IFT20: variants seen among roughly 807,000 people sequenced by gnomAD.
IFT20 encodes the protein intraflagellar transport 20.
A neutral mutation model predicts 16.9 loss-of-function variants in IFT20; 4 were observed. That is an observed-to-expected ratio of 0.24 (90% CI 0.12 to 0.54). IFT20 has a LOEUF of 0.54. Ranked by LOEUF, IFT20 falls within the 20% of genes least tolerant of loss-of-function variation. The pLI is 0.95. For synonymous variants in IFT20, 48 were observed against 49.9 expected (o/e 0.96, Z 0.16); for missense variants, 154 against 149.7 (o/e 1.03, Z -0.15).
chr17:28,328,438 C>T lies in IFT20; in HGVS notation c.*214G>A, dbSNP rs886326350. ...TCCAACTAAGCATAAGAGGTGAGAA[C>T]GTACACTGCAGGGCCACCAGCAGCA... On this transcript the variant is annotated 3_prime_UTR_variant, in exon 5 of 5. Coordinates refer to ENST00000395418, the MANE Select transcript of IFT20 (RefSeq NM_001267776.2). The T allele has an allele frequency of 3.4e-5, 18 of 526,400 alleles. No individual in the cohort carries two copies. Among genetic ancestry groups the T allele is most frequent in the Admixed American group, 7.6e-5 (2 of 26,442 alleles). The allele number at this position is 526,400 out of a possible 1,614,324, so 32.6% of individuals were successfully genotyped here.
chr17:28,329,890 G>A (rs1555576196), intron 3 of IFT20: 1 of 292,146 alleles, frequency 3.4e-6, no homozygotes, highest in African/African-American at 2.2e-5. Context: ...GAGAAACCCT[G>A]TCTCTACTAA....
chr17:28,330,059 C>CA (rs782275350), intron 3 of IFT20: 29,700 of 398,440 alleles, frequency 0.075, 13 homozygotes, highest in Middle Eastern at 0.09. Context: ...AACTCCGTCT[C>CA]AAAAAAAAAA....
chr17:28,334,452 G>C (rs1249168209), intron 1 of IFT20, among the ~76,000 whole-genome samples: 5 of 152,258 alleles, frequency 3.3e-5, no homozygotes, highest in African/African-American at 1.2e-4. Flanking sequence ...ACAACAGCTG[G>C]ATCACCGAAG....
At chr17:28,332,526 T>G (rs1236413681) in intron 1 of IFT20, 11 of 264,550 alleles carry the variant, frequency 4.2e-5, no homozygotes, top group Middle Eastern at 2.5e-3. Context: ...GTGTATTTAC[T>G]TTATATATCA....
At chr17:28,333,965 AC>A (rs564702253) in intron 1 of IFT20, among the ~76,000 whole-genome samples, 2 of 152,160 alleles carry the variant, frequency 1.3e-5, no homozygotes, top group South Asian at 4.1e-4. Flanking sequence ...TTTCGCAGCT[AC>A]AGGTCATTAA....
Position 28,329,211 on chromosome 17 carries a change from A to C in IFT20, c.279T>G (p.Leu93=), listed in dbSNP as rs782783572. 12 of 1,614,118 alleles carry C rather than the reference A, an allele frequency of 7.4e-6. No homozygotes were observed. Among genetic ancestry groups the C allele is most frequent in the Non-Finnish European group, 1.0e-5 (12 of 1,179,986 alleles). The change falls in exon 4 of 5, where the codon CTT becomes CTG. Residue 93 remains leucine, a synonymous_variant. Transcript: ENST00000395418. ...TTTTCTTTTCTGCTATTAGGGCTTGAAGTTGCTGCTGTTGAGCTTCTCTCT... is the reference window on the plus strand; with the variant it reads ...TTTTCTTTTCTGCTATTAGGGCTTGCAGTTGCTGCTGTTGAGCTTCTCTCT... ...AKQREAQQQQ[L]QALIAEKKMQ...
In IFT20 at chr17:28,330,519, T is replaced by C. The variant is rs1349641044; in HGVS notation, c.137A>G (p.Gln46Arg). The C allele has an allele frequency of 2.5e-6, 4 of 1,610,032 alleles. No individual in the cohort carries two copies. In the East Asian group the frequency reaches 6.7e-5, roughly 27 times the overall value. Residue 46 changes from glutamine (Q) to arginine (R), a missense_variant, in exon 3 of 5, where the codon CAG becomes CGG. Coordinates refer to ENST00000395418, the MANE Select transcript of IFT20 (RefSeq NM_001267776.2). ...ECKDFVDKIG[Q>R]FQKIVGGLIE... Reference sequence around the variant, plus strand: ...TAAACCACCAACTATTTTCTGAAACTGGCCAATTTCTTTTAGGAAAAGAAC... The same window carrying C: ...TAAACCACCAACTATTTTCTGAAACCGGCCAATTTCTTTTAGGAAAAGAAC...
chr17:28,333,930 C>CA (rs1354591713), intron 1 of IFT20, among the ~76,000 whole-genome samples: 173 of 145,830 alleles, frequency 1.2e-3, no homozygotes, highest in African/African-American at 3.8e-3. Context: ...GACCCTGTCT[C>CA]AAAAAAAAAA....
In IFT20 at chr17:28,332,176, TCTG is replaced by T. The variant is rs782262114; in HGVS notation, c.-2-192_-2-190del. On this transcript the variant is annotated intron_variant, in intron 1 of 4. Coordinates refer to ENST00000395418, the MANE Select transcript of IFT20 (RefSeq NM_001267776.2). ...TCCCATCCAGGTTCCCTAGAGGAGT[TCTG>T]CTCTGAAGGAGTGACAGTGGCAGTC... is the stretch of plus-strand genomic sequence containing the variant. 3.1e-5 allele frequency: 48 copies of T among 1,538,662 alleles called. No homozygotes were observed. The African/African-American group carries it at 6.2e-4, about 20-fold the overall frequency.
At chr17:28,333,172 T>C (rs1205460351) in intron 1 of IFT20, among the ~76,000 whole-genome samples, 2 of 151,732 alleles carry the variant, frequency 1.3e-5, no homozygotes, top group East Asian at 3.9e-4. Context: ...ATCTAGCAAT[T>C]GGCTGCTATG....
intron 1 of IFT20, among the ~76,000 whole-genome samples, chr17:28,334,040 AC>A (rs1280735275): frequency 6.6e-6 from 1 of 152,100 alleles, no homozygotes; most frequent in Admixed American, 6.5e-5. Context: ...TTCAACTTCC[AC>A]CCCCTTCCCT....
Position 28,330,434 on chromosome 17 carries a change from T to C in IFT20, c.213+9A>G. The C allele has an allele frequency of 6.3e-7, 1 of 1,599,286 alleles. No homozygotes were observed. Among genetic ancestry groups the C allele is most frequent in the Non-Finnish European group, 8.6e-7 (1 of 1,166,368 alleles). ...GCCAAGATGTAGGCGGAAGACATGC[T>C]GATCTTACCTTCATCTTTTCATTTT... On this transcript the variant is annotated intron_variant, in intron 3 of 4. Coordinates refer to ENST00000395418, the MANE Select transcript of IFT20 (RefSeq NM_001267776.2).
chr17:28,331,408 G>C (rs1268873667), intron 2 of IFT20: 1 of 161,166 alleles, frequency 6.2e-6, no homozygotes, highest in Non-Finnish European at 1.4e-5. Flanking sequence ...GCTTCCTGAA[G>C]ATTTCCAGCC....
Position 28,328,609 on chromosome 17 carries a change from T to A in IFT20, c.*43A>T. 1 of 1,385,454 alleles carries A rather than the reference T, an allele frequency of 7.2e-7. No homozygotes were observed. The highest frequency in any genetic ancestry group is 1.0e-6 in the Non-Finnish European group (1 of 994,206). 85.8% of individuals were successfully genotyped at this position (1,385,454 alleles called of 1,614,324 possible). A position where few individuals can be genotyped will look rare whatever the true frequency, so the allele number is the denominator to read the frequency against. On this transcript the variant is annotated 3_prime_UTR_variant, in exon 5 of 5. Transcript: ENST00000395418. Reference sequence around the variant, plus strand: ...GAGGTTTTTTTGGTTTTGAGAGGCTTTTTTTTGTTTTGCCTTCCTACTATA... The same window carrying A: ...GAGGTTTTTTTGGTTTTGAGAGGCTATTTTTTGTTTTGCCTTCCTACTATA...
chr17:28,334,749 C>T (rs1431919495), intron 1 of IFT20, among the ~76,000 whole-genome samples: 1 of 152,136 alleles, frequency 6.6e-6, no homozygotes, highest in Non-Finnish European at 1.5e-5. Flanking sequence ...GGCTGGCAGC[C>T]GAACACAAGT....
At chr17:28,332,030 C>G (rs1555576644) in intron 1 of IFT20, 43 bp from the exon 2 acceptor site, 13 of 1,613,294 alleles carry the variant, frequency 8.1e-6, no homozygotes, top group Non-Finnish European at 9.3e-6. Context: ...TCCCAGCCAC[C>G]CAAGGAAATG....
At chr17:28,331,583 G>C (rs1906782113) in intron 2 of IFT20, 5 of 408,328 alleles carry the variant, frequency 1.2e-5, no homozygotes, top group African/African-American at 1.0e-4. Context: ...TGTGTTCCCA[G>C]AAAGTTTAAG....
At chr17:28,332,161 G>T in intron 1 of IFT20, 174 bp from the exon 2 acceptor site, 1 of 1,541,628 alleles carries the variant, frequency 6.5e-7, no homozygotes, top group Non-Finnish European at 8.7e-7. Flanking sequence ...TCCCATCCAG[G>T]TTCCCTAGAG....
At chr17:28,333,508 A>C (rs1555576891) in intron 1 of IFT20, among the ~76,000 whole-genome samples, 1 of 152,258 alleles carries the variant, frequency 6.6e-6, no homozygotes, top group East Asian at 1.9e-4. Flanking sequence ...TGGGCCAACT[A>C]ATACATGTCT....
Sources: gnomAD v4.1 joint callset for allele counts (sites outside exome capture counted in the v4.1 genomes callset) on GRCh38, gnomAD v4.1.1 for gene constraint, MANE v1.5 for transcripts, NCBI Gene and HGNC (gene_info 2026-07-23, HGNC 2026-07-21) for gene names.